Variants in SLTM observed in about 807,000 individuals in gnomAD.
SLTM encodes the protein SAFB like transcription modulator, also known as SAFB-like transcription modulator.
In SLTM, 43 loss-of-function variants were observed where a neutral mutation model predicts 134.6. That is an observed-to-expected ratio of 0.32 (90% confidence interval 0.25 to 0.41). The LOEUF is 0.41. Among genes scored for constraint, SLTM ranks in the 10% least tolerant of loss-of-function variants. The pLI, the probability that SLTM is intolerant of heterozygous loss-of-function variation, is 1.00. For synonymous variants in SLTM, 424 were observed against 432.3 expected (o/e 0.98, Z 0.24); for missense variants, 1,055 against 1,288.8 (o/e 0.82, Z 2.78).
In SLTM at chr15:58,887,339, A is replaced by G; in HGVS notation, c.2577T>C (p.His859=). ...TAGGATGAGTGATATCAGGCCTGTC[A>G]TGAATAATCACCGTTCTCCTTTCGT... ...ERDERRTVII[H]DRPDITHPRH... Residue 859 remains histidine (H), a synonymous_variant, in exon 18 of 21, where the codon CAT becomes CAC. Transcript: ENST00000380516. The G allele has an allele frequency of 6.2e-7, 1 of 1,613,864 alleles. No homozygotes were observed. The highest frequency in any genetic ancestry group is 8.5e-7 in the Non-Finnish European group (1 of 1,180,000).
intron 19 of SLTM, among the ~76,000 whole-genome samples, chr15:58,886,705 A>C (rs1311908123): frequency 6.6e-6 from 1 of 152,212 alleles, no homozygotes; most frequent in Admixed American, 6.5e-5. Context: ...TACCAAATTA[A>C]CAATTCTTAA....
At position 58,883,860 on chromosome 15, in the gene SLTM, G is replaced by A. The variant is rs549852056; in HGVS notation, c.2836-74C>T. ...TACCTATAATCTCAGCACTTTGGGA[G>A]GCTGAGGCAGGCGGATCACCTGAGG... On this transcript the variant is annotated intron_variant, in intron 19 of 20. Transcript: ENST00000380516. The A allele has an allele frequency of 2.5e-5, 38 of 1,521,314 alleles. No homozygotes were observed. In the East Asian group the frequency reaches 8.4e-4, roughly 34 times the overall value. 94.2% of individuals were successfully genotyped at this position (1,521,314 alleles called of 1,614,324 possible).
chr15:58,906,283 G>A (rs564975951), intron 5 of SLTM, among the ~76,000 whole-genome samples: 11 of 152,036 alleles, frequency 7.2e-5, no homozygotes, highest in South Asian at 6.2e-4. Context: ...TTTGTCAAAT[G>A]TAAAGCATCT....
At chr15:58,893,511 G>GT in intron 12 of SLTM, 147 bp from the exon 13 acceptor site, 1 of 647,372 alleles carries the variant, frequency 1.5e-6, no homozygotes, top group South Asian at 2.2e-5. Context: ...AATGCAAAGA[G>GT]TTTTTTAAAC....
At chr15:58,926,853 C>T (rs1482246308) in intron 2 of SLTM, among the ~76,000 whole-genome samples, 1 of 152,036 alleles carries the variant, frequency 6.6e-6, no homozygotes, top group African/African-American at 2.4e-5. Flanking sequence ...ACCTTGTGAT[C>T]CACCCACCTC....
chr15:58,894,178 A>G lies in SLTM; in HGVS notation c.1393T>C (p.Ser465Pro), dbSNP rs770165569. ...TTTTCTTTCTTCATTTCTTTCTTAG[A>G]GGGATCACCTTTTACCTGAAAGGTT... ...ISVEKVKGDP[S>P]KKEMKKENDE... The change falls in exon 11 of 21, where the codon TCT becomes CCT. Residue 465 changes from serine (S) to proline (P), a missense_variant. By Grantham distance (74) the Ser-to-Pro change is moderately conservative. Coordinates refer to ENST00000380516, the MANE Select transcript of SLTM (RefSeq NM_024755.4). The G allele has an allele frequency of 1.9e-6, 3 of 1,609,612 alleles. No individual in the cohort carries two copies. Among genetic ancestry groups the G allele is most frequent in the Non-Finnish European group, 2.5e-6 (3 of 1,177,466 alleles).
At position 58,912,395 on chromosome 15, in the gene SLTM, G is replaced by A. The variant is rs190174114; in HGVS notation, c.561+168C>T. On this transcript the variant is annotated intron_variant, in intron 5 of 20. Transcript: ENST00000380516. ...ATTACAGGCGTGAGCTACCTAGCGC[G>A]CCCGACCTTGCCAATAGTTTTAAGT... is the stretch of plus-strand genomic sequence containing the variant. Among the ~76,000 whole-genome samples, 6 of 152,246 alleles carry A rather than the reference G, an allele frequency of 3.9e-5. No individual in the cohort carries two copies. In the East Asian group the frequency reaches 5.8e-4, roughly 15 times the overall value.
chr15:58,933,097 C>A (rs1156704294), intron 1 of SLTM, among the ~76,000 whole-genome samples: 1 of 152,144 alleles, frequency 6.6e-6, no homozygotes, highest in East Asian at 1.9e-4. Flanking sequence ...TCCGCGATCG[C>A]CCTTGGGAGG....
intron 5 of SLTM, among the ~76,000 whole-genome samples, chr15:58,908,520 C>T (rs550484548): frequency 1.3e-5 from 2 of 152,102 alleles, no homozygotes; most frequent in Non-Finnish European, 2.9e-5. Context: ...GCACAGACCA[C>T]CATACCCAGC....
chr15:58,891,924 C>T (rs1486990618), intron 14 of SLTM, among the ~76,000 whole-genome samples: 1 of 152,112 alleles, frequency 6.6e-6, no homozygotes, highest in African/African-American at 2.4e-5. Context: ...AGTTGCTCCT[C>T]AATCCCACTC....
chr15:58,928,158 A>G (rs911705369), intron 2 of SLTM, among the ~76,000 whole-genome samples: 1 of 152,208 alleles, frequency 6.6e-6, no homozygotes, highest in Non-Finnish European at 1.5e-5. Context: ...TATAGTTCTA[A>G]ATACTGTACT....
At chr15:58,900,617 T>C (rs1878713649) in intron 6 of SLTM, 1 of 152,602 alleles carries the variant, frequency 6.6e-6, no homozygotes, top group Non-Finnish European at 1.5e-5. Flanking sequence ...AGTAGCTTCA[T>C]TTCATCACTG....
Position 58,888,380 on chromosome 15 carries a change from T to G in SLTM, c.2375+5A>C, listed in dbSNP as rs778690130. On this transcript the variant is annotated splice_donor_5th_base_variant and intron_variant, in intron 17 of 20. Transcript: ENST00000380516. The stretch of plus-strand genomic sequence containing the variant: ...AATAAATATAACAATTTTCAACATA[T>G]CTACCTTTCAAAAGATGAAGACTGT... The G allele has an allele frequency of 3.2e-6, 5 of 1,582,322 alleles. No individual in the cohort carries two copies. The highest frequency in any genetic ancestry group is 4.3e-6 in the Non-Finnish European group (5 of 1,168,682).
chr15:58,920,828 GCCTGTAATC>G (rs2036990639), intron 2 of SLTM, among the ~76,000 whole-genome samples: 1 of 151,392 alleles, frequency 6.6e-6, no homozygotes, highest in African/African-American at 2.4e-5. Context: ...GGTGATGGGC[GCCTGTAATC>G]CCAGCTACTC....
At chr15:58,895,033 C>T (rs1262708884) in intron 9 of SLTM, among the ~76,000 whole-genome samples, 4 of 152,148 alleles carry the variant, frequency 2.6e-5, no homozygotes, top group African/African-American at 7.2e-5. Context: ...TCACCATCTA[C>T]GTTACCCATC....
chr15:58,893,909 T>C lies in SLTM; in HGVS notation c.1560A>G (p.Lys520=). ...CATTCTTCTCATCTTTACCTTCTAT[T>C]TTCTTAGTATCCTTGCTTTCTTTTT... ...SEKKESKDTK[K]IEGKDEKNDN... is the part of the protein sequence containing the mutation. The change falls in exon 12 of 21, where the codon AAA becomes AAG. Residue 520 remains lysine, a synonymous_variant. Transcript: ENST00000380516. The C allele has an allele frequency of 6.2e-7, 1 of 1,613,260 alleles. No individual in the cohort carries two copies. The highest frequency in any genetic ancestry group is 8.5e-7 in the Non-Finnish European group (1 of 1,179,836).
At position 58,883,603 on chromosome 15, in the gene SLTM, A is replaced by C. The variant is rs1055203905; in HGVS notation, c.2996+23T>G. ...GATAAAGTGTTGGTTGTGTGCTGGCAGAAAAACTGGTTAGTTATTTACCTT... is the reference window on the plus strand; with the variant it reads ...GATAAAGTGTTGGTTGTGTGCTGGCCGAAAAACTGGTTAGTTATTTACCTT... On this transcript the variant is annotated intron_variant, in intron 20 of 20. Coordinates refer to ENST00000380516, the MANE Select transcript of SLTM (RefSeq NM_024755.4). 3.1e-6 allele frequency: 5 copies of C among 1,612,910 alleles called. No homozygotes were observed. The Admixed American group carries it at 5.0e-5, about 16-fold the overall frequency.
chr15:58,910,307 T>G lies in SLTM; in HGVS notation c.561+2256A>C, dbSNP rs192444416. ...GTATCCCTGAATGCACATAGTAATATACTCAGTAAGCATGTTTAGAAGCAT... is the reference window on the plus strand; with the variant it reads ...GTATCCCTGAATGCACATAGTAATAGACTCAGTAAGCATGTTTAGAAGCAT... On this transcript the variant is annotated intron_variant, in intron 5 of 20. Transcript: ENST00000380516. 3.3e-5 allele frequency among the ~76,000 whole-genome samples: 5 copies of G among 152,306 alleles called. No individual in the cohort carries two copies. The East Asian group carries it at 9.6e-4, about 29-fold the overall frequency.
chr15:58,898,294 A>G (rs2035236905), intron 8 of SLTM: 1 of 152,338 alleles, frequency 6.6e-6, no homozygotes. Flanking sequence ...ACTACAGCTC[A>G]TGGGCATGAG....
Sources: allele counts gnomAD v4.1 joint callset (sites outside exome capture counted in the v4.1 genomes callset), GRCh38; gene constraint gnomAD v4.1.1; transcripts MANE v1.5; gene names NCBI Gene and HGNC (gene_info 2026-07-23, HGNC 2026-07-21).